The following NELL2 variants were observed in gnomAD, a reference collection of about 807,000 sequenced individuals.
NELL2 encodes the protein protein kinase C-binding protein NELL2.
Under a neutral mutation model 109.6 loss-of-function variants are expected in NELL2, and 41 were observed. The ratio of observed to expected loss-of-function variants is 0.37; its 90% CI spans 0.29 to 0.49. The LOEUF (loss-of-function observed/expected upper bound fraction) is 0.49. Ranked by LOEUF, NELL2 falls within the 20% of genes least tolerant of loss-of-function variation. The pLI is 0.98. For synonymous variants in NELL2, 355 were observed against 344.7 expected (o/e 1.03, Z -0.33); for missense variants, 900 against 1,008.3 (o/e 0.89, Z 1.45).
intron 15 of NELL2, among the ~76,000 whole-genome samples, chr12:44,540,760 T>G (rs113452957): frequency 1.0e-3 from 101 of 97,674 alleles, no homozygotes; most frequent in Admixed American, 2.6e-3. Context: ...TTTTTTAGCT[T>G]ACTAATGTAA....
chr12:44,542,498 C>T (rs1592093069), intron 15 of NELL2, among the ~76,000 whole-genome samples: 1 of 152,076 alleles, frequency 6.6e-6, no homozygotes, highest in African/African-American at 2.4e-5. Context: ...CCTTAAAAAA[C>T]CATGTCCAGT....
chr12:44,861,591 C>G (rs1276455126), intron 2 of NELL2, among the ~76,000 whole-genome samples: 1 of 152,144 alleles, frequency 6.6e-6, no homozygotes, highest in Non-Finnish European at 1.5e-5. Flanking sequence ...CCCTCACTGT[C>G]CCAGGCTTCA....
intron 3 of NELL2, among the ~76,000 whole-genome samples, chr12:44,790,498 C>T (rs968783075): frequency 6.6e-6 from 1 of 152,012 alleles, no homozygotes; most frequent in African/African-American, 2.4e-5. Flanking sequence ...GAAACAAATA[C>T]TGGAAACACA....
At position 44,517,371 on chromosome 12, in the gene NELL2, TTCTCTCTCTCTCTCTCTCTCTC is replaced by T. The variant is rs71093810; in HGVS notation, c.2400+2612_2400+2633del. ...GTCTGGTACCTACCCACCAACTACT[TTCTCTCTCTCTCTCTCTCTCTC>T]TCTCTCTCTCTCTCTCTCTCTCTCT... On this transcript the variant is annotated intron_variant, in intron 19 of 19. Coordinates refer to ENST00000429094, the MANE Select transcript of NELL2 (RefSeq NM_001145108.2). 1.8e-4 allele frequency among the ~76,000 whole-genome samples: 18 copies of T among 102,436 alleles called. No individual in the cohort carries two copies. In the East Asian group the frequency reaches 2.2e-3, roughly 13 times the overall value. 67.2% of individuals were successfully genotyped at this position (102,436 alleles called of 152,430 possible).
At chr12:44,836,109 T>C (rs868252509) in intron 2 of NELL2, among the ~76,000 whole-genome samples, 24 of 152,128 alleles carry the variant, frequency 1.6e-4, no homozygotes, top group Admixed American at 4.6e-4. Context: ...GACACTGTGT[T>C]ACTCAGAGAA....
At chr12:44,663,057 G>A (rs181908644) in intron 13 of NELL2, among the ~76,000 whole-genome samples, 28 of 152,172 alleles carry the variant, frequency 1.8e-4, no homozygotes, top group Admixed American at 1.4e-3. Context: ...CTGGTCTTAA[G>A]GGAGCTCTCA....
chr12:44,890,627 G>T (rs1945522581), intron 1 of NELL2, among the ~76,000 whole-genome samples: 1 of 151,914 alleles, frequency 6.6e-6, no homozygotes, highest in South Asian at 2.1e-4. Flanking sequence ...TTTTTTTCAG[G>T]TCACCTCCAG....
chr12:44,903,973 A>G (rs1007658284), intron 1 of NELL2, among the ~76,000 whole-genome samples: 5 of 152,092 alleles, frequency 3.3e-5, no homozygotes, highest in African/African-American at 1.2e-4. Context: ...CCACCAGGGC[A>G]CATGTATACC....
intron 15 of NELL2, among the ~76,000 whole-genome samples, chr12:44,577,622 C>A (rs138105804): frequency 0.032 from 4,914 of 151,778 alleles, 119 homozygotes; most frequent in Middle Eastern, 0.054. Context: ...GGAATACAGG[C>A]GCCACCACCA....
intron 15 of NELL2, among the ~76,000 whole-genome samples, chr12:44,557,905 T>G (rs1415523835): frequency 6.6e-6 from 1 of 152,108 alleles, no homozygotes; most frequent in Non-Finnish European, 1.5e-5. Flanking sequence ...CAAAGAGAAC[T>G]GTCCACAGTT....
chr12:44,637,322 A>T (rs1250177233), intron 13 of NELL2, among the ~76,000 whole-genome samples: 1 of 150,312 alleles, frequency 6.7e-6, no homozygotes, highest in African/African-American at 2.4e-5. Flanking sequence ...ACCCTTTTAC[A>T]TATCCAAAAA....
chr12:44,683,189 C>T (rs150845332), intron 12 of NELL2, among the ~76,000 whole-genome samples: 8,964 of 151,974 alleles, frequency 0.059, 867 homozygotes, highest in African/African-American at 0.2. Context: ...CAATTGTGAA[C>T]GGGAGTTCAC....
chr12:44,755,294 T>G (rs1039891541), intron 9 of NELL2, among the ~76,000 whole-genome samples: 7 of 152,176 alleles, frequency 4.6e-5, no homozygotes, highest in Non-Finnish European at 1.5e-5. Flanking sequence ...GTACAGTTGT[T>G]GTCACTTTTC....
chr12:44,680,959 TATG>T (rs1052549899), intron 12 of NELL2, among the ~76,000 whole-genome samples: 7 of 152,308 alleles, frequency 4.6e-5, no homozygotes, highest in Non-Finnish European at 8.8e-5. Context: ...AGATCTCAAA[TATG>T]ATGTCAGCAC....
chr12:44,852,457 G>A (rs899686284), intron 2 of NELL2, among the ~76,000 whole-genome samples: 1 of 152,088 alleles, frequency 6.6e-6, no homozygotes, highest in East Asian at 1.9e-4. Context: ...GAAAAGCTTT[G>A]TTACACACAG....
At chr12:44,532,487 T>C in intron 16 of NELL2, 94 bp downstream of exon 16, 1 of 1,285,900 alleles carries the variant, frequency 7.8e-7, no homozygotes. Context: ...GTAAAAACAC[T>C]AACATTGGCT....
intron 2 of NELL2, among the ~76,000 whole-genome samples, chr12:44,825,697 A>T (rs1469876905): frequency 1.4e-5 from 2 of 147,094 alleles, no homozygotes; most frequent in Non-Finnish European, 3.0e-5. Context: ...CACCCAGCCT[A>T]TTCATTTCTT....
intron 15 of NELL2, among the ~76,000 whole-genome samples, chr12:44,606,858 A>G (rs1228100090): frequency 6.6e-6 from 1 of 152,156 alleles, no homozygotes; most frequent in Non-Finnish European, 1.5e-5. Context: ...TATAGATTCC[A>G]GTAAAAATGG....
At chr12:44,767,368 G>C (rs1941376906) in intron 9 of NELL2, among the ~76,000 whole-genome samples, 1 of 152,066 alleles carries the variant, frequency 6.6e-6, no homozygotes, top group African/African-American at 2.4e-5. Flanking sequence ...AACCCGGAGA[G>C]ACGTGCTGTT....
Sources: gnomAD v4.1 joint callset for allele counts (sites outside exome capture counted in the v4.1 genomes callset) on GRCh38, gnomAD v4.1.1 for gene constraint, MANE v1.5 for transcripts, NCBI Gene and HGNC (gene_info 2026-07-23, HGNC 2026-07-21) for gene names.